The following RC3H2 variants were observed in gnomAD, a reference collection of about 807,000 sequenced individuals.
RC3H2 encodes the protein ring finger and CCCH-type domains 2, also known as roquin-2.
A neutral mutation model predicts 133.3 loss-of-function variants in RC3H2; 31 were observed. That is an observed-to-expected ratio of 0.23 (90% CI 0.17 to 0.31). RC3H2 has a LOEUF of 0.31. Ranked by LOEUF, RC3H2 falls within the 10% of genes least tolerant of loss-of-function variation. RC3H2 has a pLI of 1.00. For missense variants in RC3H2, 1,175 were observed against 1,437.2 expected (o/e 0.82, Z 2.95); for synonymous variants, 517 against 502.2 (o/e 1.03, Z -0.40).
intron 1 of RC3H2, among the ~76,000 whole-genome samples, chr9:122,900,535 T>C (rs1444746453): frequency 3.3e-5 from 5 of 152,110 alleles, no homozygotes; most frequent in Non-Finnish European, 7.4e-5. Flanking sequence ...CCAAAAATGG[T>C]AAATATCCTA....
At chr9:122,884,690 T>C (rs887234442) in intron 4 of RC3H2, among the ~76,000 whole-genome samples, 1 of 151,694 alleles carries the variant, frequency 6.6e-6, no homozygotes, top group African/African-American at 2.4e-5. Flanking sequence ...CCATCTCTAT[T>C]AAAAATATAA....
chr9:122,883,523 G>T (rs16912287), intron 4 of RC3H2, 144 bp from the exon 5 acceptor site: 10,007 of 531,780 alleles, frequency 0.019, 269 homozygotes, highest in East Asian at 0.091. Flanking sequence ...GACATCACAC[G>T]TACATAATTT....
At chr9:122,883,838 A>T (rs1018401355) in intron 4 of RC3H2, among the ~76,000 whole-genome samples, 8 of 151,978 alleles carry the variant, frequency 5.3e-5, no homozygotes, top group East Asian at 3.9e-4. Context: ...GTTAAATATT[A>T]AAAAAATTAG....
chr9:122,864,613 A>G (rs112522167), intron 10 of RC3H2, among the ~76,000 whole-genome samples: 13 of 152,008 alleles, frequency 8.6e-5, no homozygotes, highest in African/African-American at 3.1e-4. Flanking sequence ...TGTGGCTCCA[A>G]AGAGTCCCCT....
chr9:122,868,305 C>G (rs532886260), intron 9 of RC3H2, among the ~76,000 whole-genome samples: 139 of 152,192 alleles, frequency 9.1e-4, no homozygotes, highest in Admixed American at 3.3e-3. Flanking sequence ...AGAAAGGGGG[C>G]AAAGGTGGGG....
intron 11 of RC3H2, 149 bp from the exon 12 acceptor site, chr9:122,859,251 G>GGTTTTTTTTTT: frequency 3.3e-6 from 1 of 307,262 alleles, no homozygotes; most frequent in Non-Finnish European, 4.5e-6. Context: ...TTATACCCTG[G>GGTTTTTTTTTT]CTTTTTTTTT....
At chr9:122,858,611 G>A in intron 12 of RC3H2, 58 bp downstream of exon 12, 7 of 1,417,702 alleles carry the variant, frequency 4.9e-6, no homozygotes, top group Non-Finnish European at 6.8e-6. Context: ...ATACCTGGGT[G>A]GTTTGACTCC....
chr9:122,893,145 T>C, intron 2 of RC3H2, 119 bp from the exon 3 acceptor site: 1 of 1,298,020 alleles, frequency 7.7e-7, no homozygotes, highest in South Asian at 1.8e-5. Context: ...AGATAATACA[T>C]GAAAGCCATT....
At chr9:122,868,617 G>A (rs1357400717) in intron 9 of RC3H2, among the ~76,000 whole-genome samples, 2 of 151,836 alleles carry the variant, frequency 1.3e-5, no homozygotes, top group African/African-American at 4.8e-5. Flanking sequence ...AAGGCCGCAG[G>A]GTCCTCTGCC....
Position 122,880,581 on chromosome 9 carries a change from T to C in RC3H2, c.960+13A>G, listed in dbSNP as rs749002477. ...AGCAATGATAGAACATCAGCATCTC[T>C]AATTTCACAAACCTTATCAATGATA... On this transcript the variant is annotated intron_variant, in intron 6 of 20. Coordinates refer to ENST00000357244, the MANE Select transcript of RC3H2 (RefSeq NM_001100588.3). 6.2e-7 allele frequency: 1 copy of C among 1,601,222 alleles called. No homozygotes were observed. The highest frequency in any genetic ancestry group is 8.6e-7 in the Non-Finnish European group (1 of 1,168,608).
intron 2 of RC3H2, among the ~76,000 whole-genome samples, chr9:122,893,869 T>G (rs1832302050): frequency 6.6e-6 from 1 of 152,192 alleles, no homozygotes; most frequent in Admixed American, 6.5e-5. Flanking sequence ...CTGCTACTTC[T>G]ATGAATGACC....
chr9:122,894,359 G>C (rs1167288896), intron 2 of RC3H2, among the ~76,000 whole-genome samples: 2 of 152,156 alleles, frequency 1.3e-5, no homozygotes, highest in African/African-American at 2.4e-5. Flanking sequence ...ATATCAATGA[G>C]CAAAACAGAC....
chr9:122,893,960 G>A (rs1011753144), intron 2 of RC3H2, among the ~76,000 whole-genome samples: 3 of 151,872 alleles, frequency 2.0e-5, no homozygotes, highest in Admixed American at 6.6e-5. Context: ...TTGTAGTGCC[G>A]CTATAAAAGT....
intron 3 of RC3H2, among the ~76,000 whole-genome samples, chr9:122,891,861 T>TC (rs1832192056): frequency 6.6e-6 from 1 of 152,226 alleles, no homozygotes; most frequent in Non-Finnish European, 1.5e-5. Flanking sequence ...TGATAAAATT[T>TC]CAGTTTTGTC....
At chr9:122,855,672 A>G in intron 14 of RC3H2, 60 bp downstream of exon 14, 1 of 1,536,544 alleles carries the variant, frequency 6.5e-7, no homozygotes, top group Non-Finnish European at 8.8e-7. Flanking sequence ...TCATTCTACA[A>G]CATGAGTGAA....
chr9:122,850,516 G>A (rs1829982170), intron 20 of RC3H2, among the ~76,000 whole-genome samples: 1 of 151,284 alleles, frequency 6.6e-6, no homozygotes, highest in Non-Finnish European at 1.5e-5. Flanking sequence ...CACGATCTTG[G>A]CTCACTGTCT....
At position 122,848,025 on chromosome 9, in the gene RC3H2, C is replaced by A. The variant is rs573984276; in HGVS notation, c.*1602G>T. Reference sequence around the variant, plus strand: ...TTTCAGGGAAATGTCAACCCTCCCGCCCCTGGAAATGTGCACAAAACTTTT... The same window carrying A: ...TTTCAGGGAAATGTCAACCCTCCCGACCCTGGAAATGTGCACAAAACTTTT... On this transcript the variant is annotated 3_prime_UTR_variant, in exon 21 of 21. Transcript: ENST00000357244. The A allele has an allele frequency of 6.6e-6, 1 of 152,230 alleles. No homozygotes were observed. The highest frequency in any genetic ancestry group is 2.1e-4 in the South Asian group (1 of 4,826). The allele number at this position is 152,230 out of a possible 1,614,324, so 9.4% of individuals were successfully genotyped here. A position where few individuals can be genotyped will look rare whatever the true frequency, so the allele number is the denominator to read the frequency against.
In RC3H2 at chr9:122,850,143, T is replaced by C. The variant is rs564852428; in HGVS notation, c.3381-321A>G. ...AGGCATGTGCCACCACGCCCAGCTA[T>C]TTTGTATTTTTAGTAGAGATGGGGT... is the stretch of plus-strand genomic sequence containing the variant. On this transcript the variant is annotated intron_variant, in intron 20 of 20. Coordinates refer to ENST00000357244, the MANE Select transcript of RC3H2 (RefSeq NM_001100588.3). 4.0e-5 allele frequency among the ~76,000 whole-genome samples: 6 copies of C among 151,818 alleles called. No homozygotes were observed. The East Asian group carries it at 1.2e-3, about 30-fold the overall frequency.
intron 18 of RC3H2, among the ~76,000 whole-genome samples, chr9:122,852,077 C>T (rs1382098048): frequency 2.0e-5 from 3 of 151,572 alleles, no homozygotes. Flanking sequence ...GCCGCCATCA[C>T]ATCTAGGAAG....
Sources: allele counts gnomAD v4.1 joint callset (sites outside exome capture counted in the v4.1 genomes callset), GRCh38; gene constraint gnomAD v4.1.1; transcripts MANE v1.5; gene names NCBI Gene and HGNC (gene_info 2026-07-23, HGNC 2026-07-21).